Variants in RBM19 observed in about 807,000 individuals in gnomAD.
RBM19 encodes the protein RNA binding motif protein 19.
A neutral mutation model predicts 116.8 loss-of-function variants in RBM19; 94 were observed. The observed-to-expected ratio is 0.80, with a 90% CI of 0.68 to 0.95. The LOEUF (loss-of-function observed/expected upper bound fraction) is 0.95, where lower values mean the gene tolerates loss of function less well. RBM19 is among the 40% of genes least tolerant of loss of function. The pLI, the probability that RBM19 is intolerant of heterozygous loss-of-function variation, is 0.00. For missense variants in RBM19, 1,161 were observed against 1,220.7 expected, an observed-to-expected ratio of 0.95 and a Z score of 0.73; for synonymous variants, 475 against 494.1, an observed-to-expected ratio of 0.96 and a Z score of 0.51.
intron 22 of RBM19, among the ~76,000 whole-genome samples, chr12:113,851,447 C>T (rs1167215620): frequency 1.3e-5 from 2 of 152,188 alleles, no homozygotes; most frequent in African/African-American, 4.8e-5. Context: ...AAGAGAGCCA[C>T]TAGGGAGAGA....
At chr12:113,937,877 T>A (rs1164578568) in intron 15 of RBM19, among the ~76,000 whole-genome samples, 1 of 152,136 alleles carries the variant, frequency 6.6e-6, no homozygotes, top group Non-Finnish European at 1.5e-5. Flanking sequence ...GGAGTGAGAC[T>A]TGTCAACAAA....
chr12:113,964,514 T>G (rs1198336730), intron 1 of RBM19, among the ~76,000 whole-genome samples: 2 of 152,182 alleles, frequency 1.3e-5, no homozygotes, highest in Non-Finnish European at 2.9e-5. Context: ...GAAAAGGAAG[T>G]GCAGCCACGC....
At chr12:113,870,590 T>G (rs1318460878) in intron 21 of RBM19, among the ~76,000 whole-genome samples, 1 of 152,096 alleles carries the variant, frequency 6.6e-6, no homozygotes, top group Non-Finnish European at 1.5e-5. Flanking sequence ...GGGCTATCAA[T>G]GGAAAAGCAG....
chr12:113,879,429 TTTTA>T (rs1483537935), intron 21 of RBM19, among the ~76,000 whole-genome samples: 1 of 57,056 alleles, frequency 1.8e-5, no homozygotes, highest in East Asian at 3.7e-3. Flanking sequence ...CATACATACA[TTTTA>T]TATATATATA....
intron 22 of RBM19, among the ~76,000 whole-genome samples, chr12:113,851,821 G>A (rs958806339): frequency 9.2e-5 from 14 of 151,664 alleles, no homozygotes; most frequent in African/African-American, 2.9e-4. Context: ...AAGCCGAGGC[G>A]GTGGGAATCA....
Position 113,875,400 on chromosome 12 carries a change from T to C in RBM19, c.2559-16504A>G, listed in dbSNP as rs1419703347. ...TCGATTCAATTACAAAAGTTTAGAA[T>C]TGGATGGTGAGTCAGAAGCTGAGAG... On this transcript the variant is annotated intron_variant, in intron 21 of 23. Transcript: ENST00000261741. Among the ~76,000 whole-genome samples, 5 of 152,128 alleles carry C rather than the reference T, an allele frequency of 3.3e-5. No individual in the cohort carries two copies. In the East Asian group the frequency reaches 7.7e-4, roughly 24 times the overall value.
chr12:113,839,027 G>A lies in RBM19; in HGVS notation c.2785+5641C>T, dbSNP rs116134312. Among the ~76,000 whole-genome samples, 847 of 152,330 alleles carry A rather than the reference G, an allele frequency of 5.6e-3. 8 individuals carry two copies. Among genetic ancestry groups the A allele is most frequent in the African/African-American group, 0.019 (808 of 41,568 alleles). On this transcript the variant is annotated intron_variant, in intron 23 of 23. Coordinates refer to ENST00000261741, the MANE Select transcript of RBM19 (RefSeq NM_016196.4). ...ATGCCTGCCTGCCTTTCATTCTGTG[G>A]CCCACATTCTGCAGAGAGCTCTTTG...
intron 21 of RBM19, among the ~76,000 whole-genome samples, chr12:113,887,524 C>T (rs1337402316): frequency 7.6e-6 from 1 of 132,164 alleles, no homozygotes; most frequent in Non-Finnish European, 1.6e-5. Flanking sequence ...GTGGTCGCAG[C>T]TACTCGGGAG....
At chr12:113,870,470 A>G (rs866616891) in intron 21 of RBM19, among the ~76,000 whole-genome samples, 1 of 152,178 alleles carries the variant, frequency 6.6e-6, no homozygotes, top group Non-Finnish European at 1.5e-5. Context: ...CCAGTCCTGT[A>G]CTGTGCTGCT....
chr12:113,950,034 C>G lies in RBM19; in HGVS notation c.1072+49G>C, dbSNP rs148778934. ...AGAACGTGTAAAGGAAATGAAGGAA[C>G]GAAGGAACGCTGTAACACAGAGAGA... On this transcript the variant is annotated intron_variant, in intron 9 of 23. Transcript: ENST00000261741. 86 of 1,476,506 alleles carry G rather than the reference C, an allele frequency of 5.8e-5. No homozygotes were observed. The Admixed American group carries it at 1.5e-3, about 26-fold the overall frequency. The allele number at this position is 1,476,506 out of a possible 1,614,324, so 91.5% of individuals were successfully genotyped here. A position where few individuals can be genotyped will look rare whatever the true frequency, so the allele number is the denominator to read the frequency against.
intron 14 of RBM19, among the ~76,000 whole-genome samples, 178 bp downstream of exon 14, chr12:113,942,146 T>C (rs1371120307): frequency 6.6e-6 from 1 of 151,972 alleles, no homozygotes; most frequent in Non-Finnish European, 1.5e-5. Context: ...AGAATCAGGG[T>C]CAGATAGGCC....
chr12:113,900,421 C>T (rs972460950), intron 21 of RBM19, among the ~76,000 whole-genome samples: 1 of 152,174 alleles, frequency 6.6e-6, no homozygotes, highest in African/African-American at 2.4e-5. Context: ...CCATTTTCCA[C>T]GGAGCCCAAA....
chr12:113,959,189 G>A lies in RBM19; in HGVS notation c.571+23C>T, dbSNP rs748870278. The A allele has an allele frequency of 3.3e-5, 52 of 1,596,286 alleles. No homozygotes were observed. The East Asian group carries it at 7.4e-4, about 23-fold the overall frequency. On this transcript the variant is annotated intron_variant, in intron 5 of 23. Transcript: ENST00000261741. ...GCAAGCACAGGTCCGTGCGCATGGA[G>A]CACACAGTCCCCATGCCCTCACCTT...
chr12:113,888,931 C>T (rs1311832162), intron 21 of RBM19, among the ~76,000 whole-genome samples: 1 of 152,176 alleles, frequency 6.6e-6, no homozygotes, highest in Admixed American at 6.5e-5. Context: ...GGTACTGCCC[C>T]CCTGAAAGCC....
At chr12:113,886,920 A>G (rs1880570455) in intron 21 of RBM19, among the ~76,000 whole-genome samples, 1 of 152,196 alleles carries the variant, frequency 6.6e-6, no homozygotes, top group Non-Finnish European at 1.5e-5. Context: ...TGTTTCTCAG[A>G]GGAATGCAGA....
chr12:113,882,106 T>C (rs1013380993), intron 21 of RBM19, among the ~76,000 whole-genome samples: 1 of 152,184 alleles, frequency 6.6e-6, no homozygotes, highest in Non-Finnish European at 1.5e-5. Context: ...TCATGTGCTC[T>C]CCCCTCTAAG....
At chr12:113,920,768 C>T in intron 18 of RBM19, 78 bp from the exon 19 acceptor site, 1 of 1,279,946 alleles carries the variant, frequency 7.8e-7, no homozygotes, top group East Asian at 2.3e-5. Context: ...TGACGGGCCC[C>T]CAGACCTGCG....
intron 16 of RBM19, among the ~76,000 whole-genome samples, chr12:113,932,983 C>T (rs1869739908): frequency 6.6e-6 from 1 of 152,096 alleles, no homozygotes; most frequent in Non-Finnish European, 1.5e-5. Flanking sequence ...TTACTGCGGC[C>T]TCCTCCCCTT....
chr12:113,870,443 C>T lies in RBM19; in HGVS notation c.2559-11547G>A, dbSNP rs115176207. ...GTCTGCAGAGCATGAATCCAGATGG[C>T]CTCGGGTTGCCTTGCACCAGTCCTG... On this transcript the variant is annotated intron_variant, in intron 21 of 23. Transcript: ENST00000261741. Among the ~76,000 whole-genome samples, 1,099 of 152,304 alleles carry T rather than the reference C, an allele frequency of 7.2e-3. 10 individuals are homozygous for T. The highest frequency in any genetic ancestry group is 0.021 in the African/African-American group (884 of 41,550).
Sources: allele counts gnomAD v4.1 joint callset (sites outside exome capture counted in the v4.1 genomes callset), GRCh38; gene constraint gnomAD v4.1.1; transcripts MANE v1.5; gene names NCBI Gene and HGNC (gene_info 2026-07-23, HGNC 2026-07-21).